Variants in FER observed in about 807,000 individuals in gnomAD.
FER encodes the protein FER tyrosine kinase, also known as tyrosine-protein kinase Fer.
FER carries 63 observed loss-of-function variants against 111.0 expected under a neutral mutation model. The ratio of observed to expected loss-of-function variants is 0.57; its 90% CI spans 0.46 to 0.70. The LOEUF (loss-of-function observed/expected upper bound fraction) is 0.70, where lower values mean the gene tolerates loss of function less well. Among genes scored for constraint, FER ranks in the 30% least tolerant of loss-of-function variants. FER has a pLI of 0.00. For synonymous variants in FER, 327 were observed against 313.9 expected (o/e 1.04, Z -0.44); for missense variants, 914 against 954.0 (o/e 0.96, Z 0.55).
chr5:109,084,639 C>G (rs1319960965), intron 16 of FER, among the ~76,000 whole-genome samples: 2 of 151,888 alleles, frequency 1.3e-5, no homozygotes. Context: ...CCCTACCCCT[C>G]TTTTGTGTGG....
intron 13 of FER, among the ~76,000 whole-genome samples, chr5:109,035,055 T>C (rs542472843): frequency 1.3e-5 from 2 of 148,442 alleles, no homozygotes; most frequent in East Asian, 1.9e-4. Context: ...TTTTTTTTTT[T>C]ACTGAGTCTC....
At chr5:109,105,197 AG>A (rs1280890619) in intron 17 of FER, among the ~76,000 whole-genome samples, 1 of 148,332 alleles carries the variant, frequency 6.7e-6, no homozygotes, top group African/African-American at 2.5e-5. Context: ...GTACTTTTTT[AG>A]TTAAATGTAA....
intron 1 of FER, among the ~76,000 whole-genome samples, chr5:108,755,540 C>T (rs560273025): frequency 6.6e-6 from 1 of 152,234 alleles, no homozygotes; most frequent in South Asian, 2.1e-4. Context: ...GGCTGAAGTG[C>T]AATGGCACAA....
At chr5:109,008,690 A>G (rs1765811767) in intron 13 of FER, among the ~76,000 whole-genome samples, 1 of 152,122 alleles carries the variant, frequency 6.6e-6, no homozygotes. Flanking sequence ...ATCTTAAACA[A>G]TAATAGCAGG....
At chr5:108,845,067 T>TATATATATATATACAC (rs1486282738) in intron 5 of FER, among the ~76,000 whole-genome samples, 1 of 53,856 alleles carries the variant, frequency 1.9e-5, no homozygotes, top group East Asian at 5.3e-4. Context: ...TATATATATA[T>TATATATATATATACAC]ACACACACAC....
intron 16 of FER, among the ~76,000 whole-genome samples, chr5:109,070,861 G>A (rs1003918952): frequency 6.6e-6 from 1 of 151,854 alleles, no homozygotes; most frequent in African/African-American, 2.4e-5. Flanking sequence ...CAGTCATTTT[G>A]TAATACAAAC....
intron 6 of FER, among the ~76,000 whole-genome samples, chr5:108,869,128 G>T (rs551644890): frequency 6.6e-6 from 1 of 152,026 alleles, no homozygotes; most frequent in Non-Finnish European, 1.5e-5. Context: ...AACTGTTAAA[G>T]GTAAAATGAT....
intron 5 of FER, among the ~76,000 whole-genome samples, chr5:108,866,942 T>G (rs1561534960): frequency 1.3e-5 from 2 of 152,206 alleles, no homozygotes; most frequent in Non-Finnish European, 2.9e-5. Context: ...ACTCATAACA[T>G]TATCAGTATC....
At chr5:109,092,303 AAAAAAAAAC>A (rs1321099810) in intron 16 of FER, among the ~76,000 whole-genome samples, 8 of 147,352 alleles carry the variant, frequency 5.4e-5, no homozygotes, top group South Asian at 2.1e-4. Flanking sequence ...AAAAAAAAAA[AAAAAAAAAC>A]ATCAGAGGGA....
intron 13 of FER, among the ~76,000 whole-genome samples, chr5:108,973,641 G>C (rs1295404596): frequency 6.6e-6 from 1 of 152,042 alleles, no homozygotes; most frequent in Non-Finnish European, 1.5e-5. Context: ...ATGAGAAATA[G>C]AATCAACCTC....
chr5:109,117,615 C>T (rs375870421), intron 17 of FER, among the ~76,000 whole-genome samples: 6 of 152,100 alleles, frequency 3.9e-5, no homozygotes, highest in East Asian at 1.9e-4. Context: ...GCCATTTTCA[C>T]GATATTGATT....
intron 5 of FER, among the ~76,000 whole-genome samples, chr5:108,850,043 A>G (rs1411768121): frequency 3.3e-5 from 5 of 152,044 alleles, no homozygotes; most frequent in South Asian, 2.1e-4. Context: ...ATGCAAAAAA[A>G]AATTAGCTGG....
chr5:108,924,331 G>C (rs185460636), intron 10 of FER, among the ~76,000 whole-genome samples: 58 of 140,524 alleles, frequency 4.1e-4, no homozygotes, highest in African/African-American at 1.4e-3. Context: ...TTGCACTCCA[G>C]CCTGGGCGAC....
At chr5:108,900,122 T>C (rs569252156) in intron 10 of FER, among the ~76,000 whole-genome samples, 1 of 152,336 alleles carries the variant, frequency 6.6e-6, no homozygotes, top group South Asian at 2.1e-4. Context: ...GATTTTTTTG[T>C]AAAAGAATAC....
chr5:109,000,943 G>A (rs2149779402), intron 13 of FER, among the ~76,000 whole-genome samples: 1 of 152,238 alleles, frequency 6.6e-6, no homozygotes, highest in East Asian at 1.9e-4. Flanking sequence ...ACTCTCCCAA[G>A]ACTAAACCAG....
intron 16 of FER, among the ~76,000 whole-genome samples, chr5:109,078,541 C>A (rs1392924255): frequency 2.6e-5 from 4 of 152,160 alleles, no homozygotes; most frequent in Admixed American, 2.0e-4. Flanking sequence ...CTTGAGTTTA[C>A]CTCAAGAAAG....
At chr5:109,174,268 A>G (rs907676506) in intron 17 of FER, among the ~76,000 whole-genome samples, 2 of 152,174 alleles carry the variant, frequency 1.3e-5, no homozygotes, top group East Asian at 1.9e-4. Context: ...GGGAGATTCC[A>G]TATTTATGTA....
intron 1 of FER, among the ~76,000 whole-genome samples, chr5:108,762,633 C>CT (rs1751888552): frequency 6.6e-6 from 1 of 152,200 alleles, no homozygotes; most frequent in South Asian, 2.1e-4. Flanking sequence ...CATGCAGGAT[C>CT]TTTCTCTGAA....
At chr5:109,181,751 G>A (rs936333419) in intron 18 of FER, among the ~76,000 whole-genome samples, 8 of 151,968 alleles carry the variant, frequency 5.3e-5, no homozygotes, top group Non-Finnish European at 1.2e-4. Context: ...AAAAAATTGA[G>A]GTGAAATTCA....
Sources: allele counts gnomAD v4.1 joint callset (sites outside exome capture counted in the v4.1 genomes callset), GRCh38; gene constraint gnomAD v4.1.1; transcripts MANE v1.5; gene names NCBI Gene and HGNC (gene_info 2026-07-23, HGNC 2026-07-21).